KRCC1: variants seen among roughly 807,000 people sequenced by gnomAD.
The protein encoded by KRCC1 is lysine rich coiled-coil 1.
Under a neutral mutation model 7.4 loss-of-function variants are expected in KRCC1, and 3 were observed. The observed-to-expected ratio is 0.40, with a 90% CI of 0.18 to 1.04. The LOEUF is 1.04. KRCC1 is among the 50% of genes least tolerant of loss of function. The probability of loss-of-function intolerance (pLI) is 0.33; values close to 1 mark genes in which losing one functional copy is unlikely to be tolerated. For missense variants in KRCC1, 277 were observed against 300.9 expected (o/e 0.92, Z 0.59); for synonymous variants, 102 against 101.6 (o/e 1.00, Z -0.02).
At chr2:88,043,511 C>T (rs953006386) in intron 1 of KRCC1, among the ~76,000 whole-genome samples, 1 of 152,212 alleles carries the variant, frequency 6.6e-6, no homozygotes, top group Non-Finnish European at 1.5e-5. Context: ...ATAAAAGAAA[C>T]TAGGCATGGC....
chr2:88,040,730 A>G (rs1481852696), intron 1 of KRCC1, among the ~76,000 whole-genome samples: 1 of 152,262 alleles, frequency 6.6e-6, no homozygotes, highest in Admixed American at 6.5e-5. Flanking sequence ...TGAGGAATTC[A>G]TAATTTTGTA....
At chr2:88,033,841 C>T (rs1356585013) in intron 3 of KRCC1, among the ~76,000 whole-genome samples, 1 of 152,066 alleles carries the variant, frequency 6.6e-6, no homozygotes, top group African/African-American at 2.4e-5. Context: ...CATATATAGC[C>T]AAAAGAATGA....
intron 1 of KRCC1, among the ~76,000 whole-genome samples, chr2:88,044,325 A>G (rs1673281980): frequency 6.6e-6 from 1 of 152,040 alleles, no homozygotes; most frequent in South Asian, 2.1e-4. Flanking sequence ...GGGACAACGC[A>G]GCAGGGATCA....
chr2:88,055,234 G>A lies in KRCC1; in HGVS notation c.-291+392C>T, dbSNP rs371559208. ...GGATGCTGAACTTCACCAAACGGAA[G>A]CTTACTCTCTTCCACGTTTGGGCTT... On this transcript the variant is annotated intron_variant, in intron 1 of 3. Coordinates refer to ENST00000347055, the MANE Select transcript of KRCC1 (RefSeq NM_016618.3). 9.9e-5 allele frequency among the ~76,000 whole-genome samples: 15 copies of A among 152,118 alleles called. No homozygotes were observed. In the South Asian group the frequency reaches 3.1e-3, roughly 32 times the overall value.
intron 1 of KRCC1, among the ~76,000 whole-genome samples, chr2:88,049,654 GAAAAAC>G (rs1161931376): frequency 6.7e-6 from 1 of 150,308 alleles, no homozygotes; most frequent in African/African-American, 2.5e-5. Flanking sequence ...TGTCTCAAAA[GAAAAAC>G]AAAAACAAAC....
At position 88,028,328 on chromosome 2, in the gene KRCC1, T is replaced by A; in HGVS notation, c.236A>T (p.Gln79Leu). Residue 79 changes from glutamine to leucine, a missense_variant, in exon 4 of 4, where the codon CAA (glutamine) becomes CTA (leucine). Physicochemically the swap from Gln to Leu is moderately radical, Grantham distance 113 (BLOSUM62 -2). Transcript: ENST00000347055. Reference protein sequence around the residue: ...QTYPRSCNIPQTVENRLPQWL... With the variant: ...QTYPRSCNIPLTVENRLPQWL... ...CTGAGGCAACCGATTTTCCACTGTT[T>A]GTGGAATATTGCATGATCTTGGGTA... 6.2e-7 allele frequency: 1 copy of A among 1,614,166 alleles called. No individual in the cohort carries two copies. The highest frequency in any genetic ancestry group is 8.5e-7 in the Non-Finnish European group (1 of 1,180,022).
At chr2:88,033,647 A>T (rs1673038383) in intron 3 of KRCC1, among the ~76,000 whole-genome samples, 1 of 152,358 alleles carries the variant, frequency 6.6e-6, no homozygotes, top group Non-Finnish European at 1.5e-5. Flanking sequence ...ATTTTTTGGT[A>T]ATAAAAAGAT....
At chr2:88,048,792 TA>T (rs1186501247) in intron 1 of KRCC1, among the ~76,000 whole-genome samples, 1 of 152,218 alleles carries the variant, frequency 6.6e-6, no homozygotes, top group African/African-American at 2.4e-5. Flanking sequence ...AATACTATCT[TA>T]ATCTTAGTAA....
chr2:88,043,637 C>T (rs957126474), intron 1 of KRCC1, among the ~76,000 whole-genome samples: 1 of 152,234 alleles, frequency 6.6e-6, no homozygotes, highest in African/African-American at 2.4e-5. Flanking sequence ...ATCGCCCTTA[C>T]AATGTATTAG....
At chr2:88,054,901 G>A (rs1673579631) in intron 1 of KRCC1, among the ~76,000 whole-genome samples, 1 of 152,198 alleles carries the variant, frequency 6.6e-6, no homozygotes, top group Non-Finnish European at 1.5e-5. Flanking sequence ...CCCAGGAGCT[G>A]GAGGCTGCAG....
chr2:88,053,305 G>C (rs1673537915), intron 1 of KRCC1, among the ~76,000 whole-genome samples: 1 of 152,102 alleles, frequency 6.6e-6, no homozygotes, highest in Non-Finnish European at 1.5e-5. Context: ...CCCTGAAGTG[G>C]AATAGAAAGG....
intron 1 of KRCC1, among the ~76,000 whole-genome samples, chr2:88,047,335 G>A (rs903622475): frequency 2.0e-5 from 3 of 151,914 alleles, no homozygotes; most frequent in African/African-American, 2.4e-5. Flanking sequence ...CTCCTGCCTC[G>A]GCCTCCCAAG....
intron 2 of KRCC1, among the ~76,000 whole-genome samples, chr2:88,035,300 G>A (rs1201020671): frequency 6.6e-6 from 1 of 152,020 alleles, no homozygotes; most frequent in Middle Eastern, 3.2e-3. Flanking sequence ...TAGTCTTTTA[G>A]ACTACATTTT....
intron 3 of KRCC1, among the ~76,000 whole-genome samples, chr2:88,032,578 G>C (rs1673015945): frequency 6.6e-6 from 1 of 152,184 alleles, no homozygotes. Flanking sequence ...ACGGACACAT[G>C]ACTGGGTGTC....
At chr2:88,053,614 AT>A (rs1372202604) in intron 1 of KRCC1, among the ~76,000 whole-genome samples, 5 of 152,224 alleles carry the variant, frequency 3.3e-5, no homozygotes, top group African/African-American at 1.2e-4. Flanking sequence ...AGAGAACTTA[AT>A]AGTCTCATCA....
chr2:88,052,250 T>C lies in KRCC1; in HGVS notation c.-291+3376A>G, dbSNP rs575829538. 4.6e-5 allele frequency among the ~76,000 whole-genome samples: 7 copies of C among 152,382 alleles called. No homozygotes were observed. In the South Asian group the frequency reaches 1.4e-3, roughly 32 times the overall value. ...TTTTTAAAAAAATAATTCACCATGC[T>C]ATGTATTTCATCTTTGCATCATGTC... On this transcript the variant is annotated intron_variant, in intron 1 of 3. Transcript: ENST00000347055.
chr2:88,046,682 T>A (rs532921315), intron 1 of KRCC1, among the ~76,000 whole-genome samples: 1 of 152,298 alleles, frequency 6.6e-6, no homozygotes, highest in African/African-American at 2.4e-5. Context: ...TTCTGTTTGG[T>A]TTTTTTGAGA....
chr2:88,028,617 C>A, intron 3 of KRCC1, 32 bp from the exon 4 acceptor site: 148 of 916,508 alleles, frequency 1.6e-4, no homozygotes, highest in Non-Finnish European at 2.2e-4. Flanking sequence ...CTTACCAGAT[C>A]ATCTTGTCCT....
At chr2:88,052,163 C>G (rs1431632737) in intron 1 of KRCC1, among the ~76,000 whole-genome samples, 1 of 152,228 alleles carries the variant, frequency 6.6e-6, no homozygotes, top group African/African-American at 2.4e-5. Flanking sequence ...TAATCTATTC[C>G]TGTAATACAT....
Sources: gnomAD v4.1 joint callset for allele counts (sites outside exome capture counted in the v4.1 genomes callset) on GRCh38, gnomAD v4.1.1 for gene constraint, MANE v1.5 for transcripts, NCBI Gene and HGNC (gene_info 2026-07-23, HGNC 2026-07-21) for gene names.